PRKG1: variants seen among roughly 807,000 people sequenced by gnomAD.
The protein encoded by PRKG1 is cGMP-dependent protein kinase 1.
PRKG1 carries 35 observed loss-of-function variants against 88.1 expected under a neutral mutation model. The observed-to-expected ratio is 0.40, with a 90% CI of 0.30 to 0.53. The LOEUF (loss-of-function observed/expected upper bound fraction) is 0.53. Ranked by LOEUF, PRKG1 falls within the 20% of genes least tolerant of loss-of-function variation. The pLI is 0.59. For synonymous variants in PRKG1, 303 were observed against 292.5 expected (o/e 1.04, Z -0.37); for missense variants, 540 against 839.8 (o/e 0.64, Z 4.41).
At chr10:52,190,814 C>A (rs1015347022) in intron 9 of PRKG1, among the ~76,000 whole-genome samples, 8 of 151,966 alleles carry the variant, frequency 5.3e-5, no homozygotes, top group Non-Finnish European at 1.2e-4. Context: ...CAACATTTAC[C>A]AACCTTTTGC....
intron 2 of PRKG1, among the ~76,000 whole-genome samples, chr10:51,460,888 A>G (rs1012715018): frequency 2.6e-5 from 4 of 152,118 alleles, no homozygotes; most frequent in Non-Finnish European, 4.4e-5. Context: ...AATTGCTTAA[A>G]TTTCAGTCTG....
At chr10:52,185,291 A>G (rs1218658776) in intron 9 of PRKG1, among the ~76,000 whole-genome samples, 1 of 152,202 alleles carries the variant, frequency 6.6e-6, no homozygotes, top group Non-Finnish European at 1.5e-5. Flanking sequence ...TCAGTCCAAA[A>G]TTCATCAGGG....
intron 2 of PRKG1, among the ~76,000 whole-genome samples, chr10:51,458,137 T>C (rs1839639821): frequency 1.3e-5 from 2 of 152,132 alleles, no homozygotes; most frequent in African/African-American, 4.8e-5. Context: ...CCTCATAAAA[T>C]GGGAAAAAAT....
chr10:52,129,864 A>G (rs951009862), intron 7 of PRKG1, among the ~76,000 whole-genome samples: 1 of 152,202 alleles, frequency 6.6e-6, no homozygotes, highest in African/African-American at 2.4e-5. Flanking sequence ...CTCAAAGGTT[A>G]TTCAACATTT....
intron 3 of PRKG1, among the ~76,000 whole-genome samples, chr10:51,793,620 G>T (rs921803614): frequency 2.0e-5 from 3 of 152,000 alleles, no homozygotes; most frequent in Non-Finnish European, 4.4e-5. Context: ...CAAAGACAAA[G>T]AGAGGAAAGC....
rs1842408552 is a variant in PRKG1, at chr10:52,297,605, T to C, written c.*3705T>C. The C allele has an allele frequency of 6.6e-6, 1 of 152,214 alleles. No individual in the cohort carries two copies. Among genetic ancestry groups the C allele is most frequent in the Admixed American group, 6.5e-5 (1 of 15,270 alleles). 9.4% of individuals were successfully genotyped at this position (152,214 alleles called of 1,614,324 possible). A position where few individuals can be genotyped will look rare whatever the true frequency, so the allele number is the denominator to read the frequency against. ...GAGATACAGCGTCATTTCTGTGAAA[T>C]GTATAAATGTATGTGCAGGTCAAAT... On this transcript the variant is annotated 3_prime_UTR_variant, in exon 18 of 18. Transcript: ENST00000373980.
Position 51,303,992 on chromosome 10 carries a change from G to T in PRKG1, c.478+150662G>T, listed in dbSNP as rs190174692. Among the ~76,000 whole-genome samples, 754 of 151,820 alleles carry T rather than the reference G, an allele frequency of 5.0e-3. 6 individuals carry two copies. Among genetic ancestry groups the T allele is most frequent in the African/African-American group, 0.016 (656 of 41,372 alleles). ...CCACCACCATGCCCAGTTAATTTTG[G>T]TTTTTTTAGTAGAGATGGGGTTTCG... On this transcript the variant is annotated intron_variant, in intron 2 of 17. Transcript: ENST00000373980.
chr10:52,026,967 A>C (rs1178086529), intron 5 of PRKG1, among the ~76,000 whole-genome samples: 2 of 151,880 alleles, frequency 1.3e-5, no homozygotes, highest in Non-Finnish European at 2.9e-5. Context: ...ACAGAGTAAG[A>C]CTCCGTCAAA....
At chr10:51,470,898 T>A (rs1396072213) in intron 3 of PRKG1, among the ~76,000 whole-genome samples, 1 of 151,856 alleles carries the variant, frequency 6.6e-6, no homozygotes, top group Non-Finnish European at 1.5e-5. Context: ...CTTCTGAAAA[T>A]AAATAACATT....
intron 9 of PRKG1, among the ~76,000 whole-genome samples, chr10:52,237,647 C>A (rs1840723405): frequency 7.5e-6 from 1 of 133,550 alleles, no homozygotes; most frequent in Non-Finnish European, 1.6e-5. Flanking sequence ...GAACTACAAA[C>A]CACTGCTCAA....
intron 3 of PRKG1, among the ~76,000 whole-genome samples, chr10:51,642,657 A>G (rs1683868580): frequency 1.3e-5 from 2 of 152,208 alleles, no homozygotes; most frequent in Admixed American, 6.5e-5. Context: ...TACTAATCGT[A>G]TAGATAATAT....
chr10:51,123,883 C>A (rs1283890258), intron 1 of PRKG1, among the ~76,000 whole-genome samples: 1 of 151,866 alleles, frequency 6.6e-6, no homozygotes, highest in Non-Finnish European at 1.5e-5. Flanking sequence ...AAAGCAGGCG[C>A]GAGAGAGTGA....
At chr10:51,926,164 A>G (rs1842570276) in intron 5 of PRKG1, among the ~76,000 whole-genome samples, 1 of 152,226 alleles carries the variant, frequency 6.6e-6, no homozygotes, top group Non-Finnish European at 1.5e-5. Flanking sequence ...GTTTAAGGAA[A>G]AAATTTAATG....
At chr10:51,998,546 T>C (rs1293332111) in intron 5 of PRKG1, among the ~76,000 whole-genome samples, 1 of 152,228 alleles carries the variant, frequency 6.6e-6, no homozygotes, top group Non-Finnish European at 1.5e-5. Context: ...TCCAACAGCC[T>C]GTTTTTTCAG....
intron 9 of PRKG1, among the ~76,000 whole-genome samples, chr10:52,166,853 A>C (rs1390568736): frequency 2.0e-5 from 2 of 102,070 alleles, no homozygotes; most frequent in African/African-American, 6.9e-5. Flanking sequence ...ATATATGTCT[A>C]TATATATATC....
At chr10:51,697,722 G>T (rs779389305) in intron 3 of PRKG1, 2 of 1,614,116 alleles carry the variant, frequency 1.2e-6, no homozygotes, top group Non-Finnish European at 1.7e-6. Flanking sequence ...GTGGATTTCT[G>T]GATTTGTTCC....
intron 3 of PRKG1, among the ~76,000 whole-genome samples, chr10:51,746,487 C>T (rs900682716): frequency 2.0e-5 from 3 of 151,748 alleles, no homozygotes; most frequent in Non-Finnish European, 4.4e-5. Context: ...TTTGGGAGGC[C>T]GAGGCGGGCA....
chr10:51,179,748 G>A (rs1323366569), intron 2 of PRKG1, among the ~76,000 whole-genome samples: 1 of 152,158 alleles, frequency 6.6e-6, no homozygotes, highest in Non-Finnish European at 1.5e-5. Context: ...TCAAATGATA[G>A]CAGTGGAGAA....
chr10:51,464,719 G>A (rs1426258091), intron 2 of PRKG1, among the ~76,000 whole-genome samples: 2 of 150,984 alleles, frequency 1.3e-5, no homozygotes, highest in Non-Finnish European at 3.0e-5. Flanking sequence ...GTGAAACCCC[G>A]TCTCTACTAA....
Sources: allele counts gnomAD v4.1 joint callset (sites outside exome capture counted in the v4.1 genomes callset), GRCh38; gene constraint gnomAD v4.1.1; transcripts MANE v1.5; gene names NCBI Gene and HGNC (gene_info 2026-07-23, HGNC 2026-07-21).